LRRC37A2: variants seen among roughly 807,000 people sequenced by gnomAD.
LRRC37A2 encodes the protein leucine-rich repeat-containing protein 37A2.
A neutral mutation model predicts 68.8 loss-of-function variants in LRRC37A2; 9 were observed. The observed-to-expected ratio is 0.13, with a 90% CI of 0.08 to 0.23. The LOEUF (loss-of-function observed/expected upper bound fraction) is 0.23. Among genes scored for constraint, LRRC37A2 ranks in the 10% least tolerant of loss-of-function variants. The probability of loss-of-function intolerance (pLI) is 1.00; values close to 1 mark genes in which losing one functional copy is unlikely to be tolerated. For synonymous variants in LRRC37A2, 63 were observed against 367.6 expected (o/e 0.17, Z 9.48); for missense variants, 168 against 950.4 (o/e 0.18, Z 10.82).
At chr17:46,585,184 G>A in the LRRC37A2 span, among the ~76,000 whole-genome samples, 1 of 146,302 alleles carries the variant, frequency 6.8e-6, no homozygotes, top group Non-Finnish European at 1.5e-5. Flanking sequence ...AGGTATGGTG[G>A]TGCGTGCGTG....
chr17:46,671,845 T>C, the LRRC37A2 span, among the ~76,000 whole-genome samples: 31 of 142,618 alleles, frequency 2.2e-4, 5 homozygotes, highest in Non-Finnish European at 3.2e-4. Flanking sequence ...TTCTTGTGTT[T>C]ATGTTGTTTT....
chr17:46,494,339 T>C, the LRRC37A2 span, among the ~76,000 whole-genome samples: 2 of 148,962 alleles, frequency 1.3e-5, no homozygotes, highest in East Asian at 3.9e-4. Context: ...ACACATTTGG[T>C]GTTCATCTAA....
chr17:46,881,515 G>A, the LRRC37A2 span, among the ~76,000 whole-genome samples: 7 of 152,150 alleles, frequency 4.6e-5, no homozygotes, highest in Non-Finnish European at 1.0e-4. Context: ...AGGCTATATC[G>A]CTAGCAAGCG....
chr17:46,487,681 C>T, the LRRC37A2 span, among the ~76,000 whole-genome samples: 4 of 103,804 alleles, frequency 3.9e-5, 1 homozygote, highest in South Asian at 1.3e-3. Flanking sequence ...TTTCTTAAAA[C>T]GCATTCAAAA....
chr17:46,872,794 A>G, the LRRC37A2 span: 2 of 1,331,464 alleles, frequency 1.5e-6, no homozygotes, highest in South Asian at 1.2e-5. Flanking sequence ...GGGCTAGGGG[A>G]CGGGGAGGGC....
At chr17:46,795,463 A>C in the LRRC37A2 span, among the ~76,000 whole-genome samples, 1 of 152,168 alleles carries the variant, frequency 6.6e-6, no homozygotes, top group Non-Finnish European at 1.5e-5. Flanking sequence ...AAGGGACGAC[A>C]GCAAATTCTC....
the LRRC37A2 span, among the ~76,000 whole-genome samples, chr17:46,794,846 G>T: frequency 6.7e-6 from 1 of 150,296 alleles, no homozygotes; most frequent in South Asian, 2.1e-4. Context: ...CACCTCCCAG[G>T]TTCAAGTGAT....
chr17:46,726,690 T>G, the LRRC37A2 span: 1 of 1,264,798 alleles, frequency 7.9e-7, no homozygotes, highest in East Asian at 2.3e-5. Context: ...AAGAGAAAAT[T>G]AACAAGTATT....
chr17:46,774,949 C>G, the LRRC37A2 span, among the ~76,000 whole-genome samples: 1 of 152,192 alleles, frequency 6.6e-6, no homozygotes, highest in African/African-American at 2.4e-5. Flanking sequence ...GGCCCATCTC[C>G]TCTCCCTCTG....
intron 6 of LRRC37A2, among the ~76,000 whole-genome samples, chr17:46,525,580 C>A (rs2052597299): frequency 1.1e-5 from 1 of 89,800 alleles, no homozygotes; most frequent in African/African-American, 4.2e-5. Flanking sequence ...GAGTGAGACT[C>A]TGTCTCAAAT....
the LRRC37A2 span, among the ~76,000 whole-genome samples, chr17:46,903,093 C>T: frequency 1.3e-5 from 2 of 152,146 alleles, no homozygotes; most frequent in African/African-American, 2.4e-5. Context: ...ACCAGACTGG[C>T]CACCATGGTG....
the LRRC37A2 span, among the ~76,000 whole-genome samples, chr17:46,733,774 A>C: frequency 6.6e-6 from 1 of 152,240 alleles, no homozygotes; most frequent in Non-Finnish European, 1.5e-5. Flanking sequence ...AACTTTTACA[A>C]AAGAAGAATT....
the LRRC37A2 span, chr17:46,923,283 C>G: frequency 6.5e-7 from 1 of 1,549,910 alleles, no homozygotes; most frequent in African/African-American, 1.4e-5. Flanking sequence ...AGCCTGGCTT[C>G]TGGGGCTGAG....
At chr17:47,018,514 A>G in the LRRC37A2 span, 10 of 1,521,172 alleles carry the variant, frequency 6.6e-6, no homozygotes, top group African/African-American at 1.4e-5. Flanking sequence ...GCTACAGCTC[A>G]GCTCTCAGGG....
the LRRC37A2 span, among the ~76,000 whole-genome samples, chr17:46,896,315 G>T: frequency 1.4e-5 from 2 of 138,510 alleles, no homozygotes; most frequent in African/African-American, 5.4e-5. Context: ...AAGAAAGAAA[G>T]AAAGAAAGAG....
At chr17:46,918,628 C>G in the LRRC37A2 span, among the ~76,000 whole-genome samples, 1 of 122,380 alleles carries the variant, frequency 8.2e-6, no homozygotes, top group African/African-American at 2.8e-5. Flanking sequence ...CACACACACA[C>G]ACACACACAC....
At chr17:46,859,995 G>A in the LRRC37A2 span, among the ~76,000 whole-genome samples, 1 of 152,082 alleles carries the variant, frequency 6.6e-6, no homozygotes, top group Admixed American at 6.6e-5. Flanking sequence ...AAATTGAATT[G>A]GGGCCTGAGA....
At chr17:46,470,044 G>A in the LRRC37A2 span, among the ~76,000 whole-genome samples, 1 of 56,178 alleles carries the variant, frequency 1.8e-5, no homozygotes, top group East Asian at 3.1e-4. Context: ...CCTAATTCTA[G>A]ATTTCAGTCT....
At chr17:46,931,208 G>T in the LRRC37A2 span, 2 of 1,362,590 alleles carry the variant, frequency 1.5e-6, no homozygotes, top group Non-Finnish European at 2.1e-6. Context: ...ATGCCAGACT[G>T]TAAGTGCTGA....
Sources: allele counts gnomAD v4.1 joint callset (sites outside exome capture counted in the v4.1 genomes callset), GRCh38; gene constraint gnomAD v4.1.1; transcripts MANE v1.5; gene names NCBI Gene and HGNC (gene_info 2026-07-23, HGNC 2026-07-21).